Variants in RNGTT observed in about 807,000 individuals in gnomAD.
RNGTT encodes RNA guanylyltransferase and 5'-phosphatase.
In RNGTT, 33 loss-of-function variants were observed where a neutral mutation model predicts 79.3. The observed-to-expected ratio is 0.42, with a 90% confidence interval of 0.32 to 0.56. The LOEUF (loss-of-function observed/expected upper bound fraction) is 0.56, where lower values mean the gene tolerates loss of function less well. Ranked by LOEUF, RNGTT falls within the 20% of genes least tolerant of loss-of-function variation. The probability of loss-of-function intolerance (pLI) is 0.17; values close to 1 mark genes in which losing one functional copy is unlikely to be tolerated. For missense variants in RNGTT, 497 were observed against 739.1 expected (o/e 0.67, Z 3.80); for synonymous variants, 222 against 235.9 (o/e 0.94, Z 0.54).
At chr6:88,853,817 G>T in intron 8 of RNGTT, 53 bp from the exon 9 acceptor site, 2 of 1,132,104 alleles carry the variant, frequency 1.8e-6, no homozygotes, top group South Asian at 3.3e-5. Context: ...TCAAGAACAG[G>T]GTCATGAGAA....
At chr6:88,949,159 G>GAAAAAAAAAAAAAAAAAAAAA in intron 1 of RNGTT, among the ~76,000 whole-genome samples, 13 of 50,508 alleles carry the variant, frequency 2.6e-4, no homozygotes, top group Non-Finnish European at 3.2e-4. Context: ...AAAATAAAAT[G>GAAAAAAAAAAAAAAAAAAAAA]AAAAAAAAAA....
intron 4 of RNGTT, among the ~76,000 whole-genome samples, chr6:88,913,338 G>A (rs1783897378): frequency 6.6e-6 from 1 of 151,450 alleles, no homozygotes; most frequent in African/African-American, 2.4e-5. Context: ...TGAAGAGAAG[G>A]GACCCCTTCC....
intron 13 of RNGTT, among the ~76,000 whole-genome samples, chr6:88,704,077 G>T (rs1453734471): frequency 6.8e-6 from 1 of 147,920 alleles, no homozygotes; most frequent in Non-Finnish European, 1.5e-5. Context: ...GGCTAACGTG[G>T]TGAAACTCCG....
chr6:88,851,133 T>C (rs969260065), intron 9 of RNGTT, among the ~76,000 whole-genome samples: 7 of 151,482 alleles, frequency 4.6e-5, no homozygotes, highest in African/African-American at 1.7e-4. Flanking sequence ...AGATTGAACA[T>C]CTTAAAATAG....
At chr6:88,838,069 A>G (rs1233459789) in intron 11 of RNGTT, among the ~76,000 whole-genome samples, 1 of 152,204 alleles carries the variant, frequency 6.6e-6, no homozygotes, top group Admixed American at 6.5e-5. Flanking sequence ...AGTTCGATAA[A>G]TAAGATTGTA....
chr6:88,723,052 AT>A (rs1776757637), intron 13 of RNGTT, among the ~76,000 whole-genome samples: 1 of 152,216 alleles, frequency 6.6e-6, no homozygotes, highest in Non-Finnish European at 1.5e-5. Context: ...CCTTCTACTT[AT>A]TTAACAGCAA....
chr6:88,941,038 A>T, intron 2 of RNGTT, 33 bp downstream of exon 2: 1 of 1,301,318 alleles, frequency 7.7e-7, no homozygotes, highest in Non-Finnish European at 1.1e-6. Context: ...AAAGTATATT[A>T]AATCAGTGAC....
intron 14 of RNGTT, among the ~76,000 whole-genome samples, chr6:88,644,444 T>C (rs1184132487): frequency 6.6e-6 from 1 of 152,122 alleles, no homozygotes; most frequent in Non-Finnish European, 1.5e-5. Context: ...CTGGTACCAT[T>C]CCTTCTGAAA....
chr6:88,832,584 G>A (rs1780908855), intron 11 of RNGTT, among the ~76,000 whole-genome samples: 1 of 152,104 alleles, frequency 6.6e-6, no homozygotes, highest in African/African-American at 2.4e-5. Context: ...ATTGACAAGT[G>A]GGATCTAATT....
chr6:88,688,373 C>T (rs969563489), intron 13 of RNGTT, among the ~76,000 whole-genome samples: 4 of 152,154 alleles, frequency 2.6e-5, no homozygotes, highest in African/African-American at 9.7e-5. Flanking sequence ...TACAAATATA[C>T]ACGTAGGTGC....
At chr6:88,729,015 G>A (rs1219801919) in intron 13 of RNGTT, among the ~76,000 whole-genome samples, 2 of 152,210 alleles carry the variant, frequency 1.3e-5, no homozygotes, top group African/African-American at 2.4e-5. Flanking sequence ...GGCGTGGGCT[G>A]CATGGTAGCT....
At chr6:88,637,724 G>T (rs1035502633) in intron 14 of RNGTT, among the ~76,000 whole-genome samples, 3 of 152,066 alleles carry the variant, frequency 2.0e-5, no homozygotes, top group African/African-American at 4.8e-5. Flanking sequence ...CTAATGATCT[G>T]AATCCCAAGA....
At chr6:88,932,967 C>G (rs1467485956) in intron 2 of RNGTT, among the ~76,000 whole-genome samples, 1 of 152,098 alleles carries the variant, frequency 6.6e-6, no homozygotes. Flanking sequence ...CCCAAATTTT[C>G]CTGCCTGGTA....
At chr6:88,808,613 A>AT (rs1032973948) in intron 11 of RNGTT, among the ~76,000 whole-genome samples, 4 of 152,126 alleles carry the variant, frequency 2.6e-5, no homozygotes, top group Admixed American at 1.3e-4. Flanking sequence ...TTATTAATAA[A>AT]TTTTTTTAAG....
intron 13 of RNGTT, among the ~76,000 whole-genome samples, chr6:88,717,135 A>G (rs565415858): frequency 2.9e-4 from 44 of 152,208 alleles, no homozygotes; most frequent in Non-Finnish European, 5.7e-4. Context: ...TAGTAATACA[A>G]CACCAGACTC....
At chr6:88,778,499 A>G (rs1778962604) in intron 12 of RNGTT, among the ~76,000 whole-genome samples, 1 of 152,198 alleles carries the variant, frequency 6.6e-6, no homozygotes, top group African/African-American at 2.4e-5. Context: ...TTTTAAAATT[A>G]GATATGGAGT....
intron 14 of RNGTT, among the ~76,000 whole-genome samples, chr6:88,668,006 A>C (rs1774483048): frequency 6.6e-6 from 1 of 152,074 alleles, no homozygotes; most frequent in African/African-American, 2.4e-5. Context: ...ACTTCCAGGC[A>C]CTCCTCAGGA....
At chr6:88,767,029 T>C (rs996225891) in intron 13 of RNGTT, among the ~76,000 whole-genome samples, 1 of 152,162 alleles carries the variant, frequency 6.6e-6, no homozygotes, top group African/African-American at 2.4e-5. Flanking sequence ...TAAAGACTGC[T>C]ATAATGCACA....
intron 13 of RNGTT, among the ~76,000 whole-genome samples, chr6:88,703,606 G>A (rs1434787855): frequency 6.6e-6 from 1 of 151,910 alleles, no homozygotes. Context: ...CTGGGTGATG[G>A]GATTGTCCAT....
Sources: gnomAD v4.1 joint callset for allele counts (sites outside exome capture counted in the v4.1 genomes callset) on GRCh38, gnomAD v4.1.1 for gene constraint, MANE v1.5 for transcripts, NCBI Gene and HGNC (gene_info 2026-07-23, HGNC 2026-07-21) for gene names.